SASH1: variants seen among roughly 807,000 people sequenced by gnomAD.
The protein encoded by SASH1 is SAM and SH3 domain containing 1.
A neutral mutation model predicts 125.2 loss-of-function variants in SASH1; 44 were observed. The ratio of observed to expected loss-of-function variants is 0.35; its 90% CI spans 0.28 to 0.45. SASH1 has a LOEUF of 0.45. Among genes scored for constraint, SASH1 ranks in the 20% least tolerant of loss-of-function variants. The probability of loss-of-function intolerance (pLI) is 1.00; values close to 1 mark genes in which losing one functional copy is unlikely to be tolerated. For synonymous variants in SASH1, 639 were observed against 649.1 expected, an observed-to-expected ratio of 0.98 and a Z score of 0.24; for missense variants, 1,426 against 1,614.5, an observed-to-expected ratio of 0.88 and a Z score of 2.00.
At chr6:148,527,270 TAGTC>T (rs1781234819) in intron 11 of SASH1, 179 bp from the exon 12 acceptor site, 5 of 518,126 alleles carry the variant, frequency 9.7e-6, no homozygotes, top group Non-Finnish European at 1.6e-5. Context: ...CAAACAAAAA[TAGTC>T]AATAAGCTTT....
intron 1 of SASH1, among the ~76,000 whole-genome samples, chr6:148,358,733 G>GTT (rs10673654): frequency 0.18 from 20,792 of 118,766 alleles, 2,973 homozygotes; most frequent in Non-Finnish European, 0.22. Flanking sequence ...CCATGTTTTT[G>GTT]TTTTTTTTTT....
At chr6:148,215,529 G>GA in the SASH1 span, among the ~76,000 whole-genome samples, 1 of 152,070 alleles carries the variant, frequency 6.6e-6, no homozygotes, top group Non-Finnish European at 1.5e-5. Flanking sequence ...CTCTGGAGTG[G>GA]AAAAAGGTTA....
At chr6:148,343,965 CATCTTAATCCATACAT>C (rs1306429613) in intron 1 of SASH1, among the ~76,000 whole-genome samples, 1 of 152,154 alleles carries the variant, frequency 6.6e-6, no homozygotes, top group Non-Finnish European at 1.5e-5. Context: ...TACAGTCAGA[CATCTTAATCCATACAT>C]AAAAGACAAC....
rs771461910 is a variant in SASH1, at chr6:148,533,905, C to T, written c.1869C>T (p.Pro623=). The part of the protein sequence containing the change: ...LSEDEEKPKR[P]TRRRRKGRPP... ...AAGACGAGGAGAAACCCAAACGCCC[C>T]ACCAGGAGGCGTCGGAAAGGACGAC... is the stretch of plus-strand genomic sequence containing the variant. The change falls in exon 15 of 20, where the codon CCC becomes CCT. Residue 623 remains proline (P), a synonymous_variant. Transcript: ENST00000367467. This position sits in a 1 kb window ranked among gnomAD's most constrained non-coding sequence, Gnocchi z 6.2. The T allele has an allele frequency of 6.2e-7, 1 of 1,614,060 alleles. No homozygotes were observed. Among genetic ancestry groups the T allele is most frequent in the South Asian group, 1.1e-5 (1 of 91,068 alleles).
chr6:148,457,558 G>C (rs148838223), intron 4 of SASH1, among the ~76,000 whole-genome samples: 1 of 152,244 alleles, frequency 6.6e-6, no homozygotes, highest in Non-Finnish European at 1.5e-5. Flanking sequence ...ATACAGCAAG[G>C]CTAGTTTTTT....
At position 148,529,871 on chromosome 6, in the gene SASH1, G is replaced by A. The variant is rs954757075; in HGVS notation, c.1429-1655G>A. On this transcript the variant is annotated intron_variant, in intron 12 of 19. Transcript: ENST00000367467. The surrounding 1 kb of genome is among the most constrained non-coding windows in gnomAD (Gnocchi z 4.2). ...ACCCAGGCTGGAGTGCAATGGTGTGGCCTCGGCTTACTGCAACCTCTGCCT... is the reference window on the plus strand; with the variant it reads ...ACCCAGGCTGGAGTGCAATGGTGTGACCTCGGCTTACTGCAACCTCTGCCT... Among the ~76,000 whole-genome samples, 1 of 151,872 alleles carries A rather than the reference G, an allele frequency of 6.6e-6. No homozygotes were observed. The highest frequency in any genetic ancestry group is 6.6e-5 in the Admixed American group (1 of 15,240).
At chr6:148,457,701 T>G (rs1346027761) in intron 4 of SASH1, among the ~76,000 whole-genome samples, 1 of 152,172 alleles carries the variant, frequency 6.6e-6, no homozygotes, top group African/African-American at 2.4e-5. Context: ...CTCACGCTAC[T>G]AACAAAGACA....
intron 1 of SASH1, among the ~76,000 whole-genome samples, chr6:148,380,284 C>G (rs781570664): frequency 2.6e-5 from 4 of 152,168 alleles, no homozygotes; most frequent in Admixed American, 6.5e-5. Flanking sequence ...TTCTAAAACA[C>G]AAAAACTCAA....
rs574443216 is a variant in SASH1 at position 148,401,532 on chromosome 6, A to G, written c.285+11270A>G. 6.6e-5 allele frequency among the ~76,000 whole-genome samples: 10 copies of G among 152,322 alleles called. No individual in the cohort carries two copies. The South Asian group carries it at 1.9e-3, about 28-fold the overall frequency. The stretch of plus-strand genomic sequence containing the variant: ...AGAATGGTATTAAGAATCTAAGTTC[A>G]GGAGTAAGCCACTGCTCCTGTCTCT... On this transcript the variant is annotated intron_variant, in intron 2 of 19. Transcript: ENST00000367467.
chr6:148,412,281 A>G (rs1178299282), intron 2 of SASH1, among the ~76,000 whole-genome samples: 1 of 152,144 alleles, frequency 6.6e-6, no homozygotes, highest in Non-Finnish European at 1.5e-5. Flanking sequence ...TGTTTTTCAC[A>G]TAAATTTCAA....
rs754073672 is a variant in SASH1 at position 148,317,401 on chromosome 6, T to A, written n.74+45024T>A. On this transcript the variant is annotated intron_variant and non_coding_transcript_variant, in intron 1 of 3. Coordinates refer to the SASH1 transcript ENST00000367469. ...GAATATTTGTTATTATTTAGGAGGT[T>A]TGAGAAAATATTGAGGAAAAAAATT... Among the ~76,000 whole-genome samples the A allele has an allele frequency of 9.9e-5, 15 of 152,184 alleles. 1 individual carries two copies. Among genetic ancestry groups the A allele is most frequent in the Non-Finnish European group, 1.8e-4 (12 of 68,040 alleles).
intron 4 of SASH1, among the ~76,000 whole-genome samples, chr6:148,462,598 G>A (rs1777665804): frequency 6.6e-6 from 1 of 152,168 alleles, no homozygotes; most frequent in East Asian, 1.9e-4. Context: ...AGTGTTCTTG[G>A]AATATTTAGT....
At chr6:148,473,148 C>A (rs1778191058) in intron 6 of SASH1, among the ~76,000 whole-genome samples, 1 of 152,184 alleles carries the variant, frequency 6.6e-6, no homozygotes, top group Admixed American at 6.5e-5. Context: ...GTTTGGAAAC[C>A]AATTTATGAC....
chr6:148,437,702 T>C (rs1776353777), intron 2 of SASH1, among the ~76,000 whole-genome samples: 1 of 152,234 alleles, frequency 6.6e-6, no homozygotes, highest in Non-Finnish European at 1.5e-5. Flanking sequence ...GTGGGTAACA[T>C]AGCAAGATGC....
chr6:148,516,303 GGT>G (rs10587598), intron 9 of SASH1, among the ~76,000 whole-genome samples: 123,339 of 151,872 alleles, frequency 0.81, 50,326 homozygotes, highest in African/African-American at 0.84. Flanking sequence ...AGAGGCCCCA[GGT>G]GTGTGTGTGT....
chr6:148,224,711 C>T, the SASH1 span, among the ~76,000 whole-genome samples: 1 of 151,988 alleles, frequency 6.6e-6, no homozygotes, highest in East Asian at 1.9e-4. Context: ...GTTTGCACAC[C>T]CCTGAGCAAT....
At chr6:148,401,216 T>G (rs1360096722) in intron 2 of SASH1, among the ~76,000 whole-genome samples, 1 of 149,264 alleles carries the variant, frequency 6.7e-6, no homozygotes, top group Admixed American at 6.7e-5. Flanking sequence ...ATTGCACCAC[T>G]GCAATTCAGC....
intron 1 of SASH1, chr6:148,280,321 C>T (rs571938947): frequency 4.9e-4 from 75 of 152,092 alleles, no homozygotes; most frequent in African/African-American, 1.8e-3. Context: ...GGCCAACCTC[C>T]ACCACTTGGC....
At chr6:148,504,327 G>A (rs1447698266) in intron 8 of SASH1, among the ~76,000 whole-genome samples, 1 of 152,148 alleles carries the variant, frequency 6.6e-6, no homozygotes, top group African/African-American at 2.4e-5. Flanking sequence ...CGTGGTATCT[G>A]AAGAGTGGAG....
Sources: allele counts gnomAD v4.1 joint callset (sites outside exome capture counted in the v4.1 genomes callset), GRCh38; gene constraint gnomAD v4.1.1; non-coding constraint Gnocchi (gnomAD v3.1); transcripts MANE v1.5; gene names NCBI Gene and HGNC (gene_info 2026-07-23, HGNC 2026-07-21).